Variants in RBL1 observed in about 807,000 individuals in gnomAD.
RBL1 encodes retinoblastoma-like protein 1.
Under a neutral mutation model 123.0 loss-of-function variants are expected in RBL1, and 82 were observed. The ratio of observed to expected loss-of-function variants is 0.67; its 90% CI spans 0.56 to 0.80. The LOEUF (loss-of-function observed/expected upper bound fraction) is 0.80, where lower values mean the gene tolerates loss of function less well. Ranked by LOEUF, RBL1 falls within the 30% of genes least tolerant of loss-of-function variation. The pLI is 0.00. For synonymous variants in RBL1, 405 were observed against 441.3 expected, an observed-to-expected ratio of 0.92 and a Z score of 1.03; for missense variants, 1,171 against 1,299.6, an observed-to-expected ratio of 0.90 and a Z score of 1.52.
In RBL1 at chr20:36,998,042, T is replaced by C. The variant is rs1240741539; in HGVS notation, c.*717A>G. 1 of 152,112 alleles carries C rather than the reference T, an allele frequency of 6.6e-6. No homozygotes were observed. Among genetic ancestry groups the C allele is most frequent in the African/African-American group, 2.4e-5 (1 of 41,414 alleles). The allele number at this position is 152,112 out of a possible 1,614,324, so 9.4% of individuals were successfully genotyped here. On this transcript the variant is annotated 3_prime_UTR_variant, in exon 22 of 22. Transcript: ENST00000373664. Reference sequence around the variant, plus strand: ...GTACTATGGGAACCAACCCCTTCCTTCAATATTAAATTAAGAATACAAATA... The same window carrying C: ...GTACTATGGGAACCAACCCCTTCCTCCAATATTAAATTAAGAATACAAATA...
chr20:37,066,720 G>A lies in RBL1; in HGVS notation c.846+4C>T. On this transcript the variant is annotated splice_donor_region_variant and intron_variant, in intron 6 of 21. Coordinates refer to ENST00000373664, the MANE Select transcript of RBL1 (RefSeq NM_002895.5). Reference sequence around the variant, plus strand: ...TCTCAGTCATCTAATTATAAGTACAGTACCTTCCTGTCAAAGAGTTTTGAA... The same window carrying A: ...TCTCAGTCATCTAATTATAAGTACAATACCTTCCTGTCAAAGAGTTTTGAA... The A allele has an allele frequency of 6.2e-7, 1 of 1,609,008 alleles. No homozygotes were observed. Among genetic ancestry groups the A allele is most frequent in the African/African-American group, 1.3e-5 (1 of 74,878 alleles).
chr20:37,002,412 C>G (rs372595655), intron 21 of RBL1, among the ~76,000 whole-genome samples: 14 of 129,202 alleles, frequency 1.1e-4, no homozygotes, highest in African/African-American at 3.7e-4. Flanking sequence ...GGCACGATCT[C>G]GGCTCACTGC....
In RBL1 at chr20:37,044,266, T is replaced by C. The variant is rs1279680486; in HGVS notation, c.1606-16A>G. 5.6e-6 allele frequency: 9 copies of C among 1,613,084 alleles called. No individual in the cohort carries two copies. Among genetic ancestry groups the C allele is most frequent in the East Asian group, 2.2e-5 (1 of 44,866 alleles). The stretch of plus-strand genomic sequence containing the variant: ...CCTCAATAACCTGCAGAGGAGAAAG[T>C]GAGAAGGCAATGTGGTTTCAAGCAG... On this transcript the variant is annotated splice_polypyrimidine_tract_variant and intron_variant, in intron 12 of 21. Transcript: ENST00000373664.
chr20:37,036,656 C>G (rs577322405), intron 14 of RBL1, among the ~76,000 whole-genome samples: 1 of 121,518 alleles, frequency 8.2e-6, no homozygotes, highest in African/African-American at 3.2e-5. Context: ...GATGGAGTCT[C>G]GCTCTGTTGC....
At chr20:37,084,772 C>CA (rs1405773739) in intron 2 of RBL1, among the ~76,000 whole-genome samples, 10 of 151,626 alleles carry the variant, frequency 6.6e-5, no homozygotes, top group African/African-American at 2.2e-4. Context: ...CATAGGAAGA[C>CA]CTTTTTTTTT....
chr20:37,065,222 C>T (rs967640255), intron 7 of RBL1, among the ~76,000 whole-genome samples: 1 of 152,130 alleles, frequency 6.6e-6, no homozygotes, highest in Non-Finnish European at 1.5e-5. Flanking sequence ...TGTGGGCCAC[C>T]GTGCCTGGCC....
intron 6 of RBL1, among the ~76,000 whole-genome samples, chr20:37,065,697 G>C (rs957286979): frequency 6.7e-6 from 1 of 149,626 alleles, no homozygotes; most frequent in Non-Finnish European, 1.5e-5. Flanking sequence ...CAGGGCTGCA[G>C]TGCAGTGGTA....
At chr20:37,003,625 GA>G (rs533001306) in intron 21 of RBL1, 76 bp downstream of exon 21, 68,422 of 1,007,904 alleles carry the variant, frequency 0.068, 19 homozygotes, top group East Asian at 0.092. Context: ...GGCCAAAAAA[GA>G]AAAAAAAAAA....
At chr20:37,056,045 AAAAG>A (rs2064998584) in intron 10 of RBL1, 97 bp downstream of exon 10, 3 of 1,479,686 alleles carry the variant, frequency 2.0e-6, no homozygotes, top group Admixed American at 5.3e-5. Context: ...TCAAAAAAAA[AAAAG>A]AAATAAGAAT....
chr20:37,074,003 T>G (rs2065323401), intron 2 of RBL1, among the ~76,000 whole-genome samples: 1 of 150,950 alleles, frequency 6.6e-6, no homozygotes, highest in Admixed American at 6.6e-5. Flanking sequence ...CCCAGCTACA[T>G]GGGAGGCTGA....
At chr20:37,012,418 G>C (rs2064168304) in intron 19 of RBL1, among the ~76,000 whole-genome samples, 2 of 151,616 alleles carry the variant, frequency 1.3e-5, no homozygotes, top group Non-Finnish European at 2.9e-5. Context: ...TAGGAAGTGA[G>C]GAGCGCCTCT....
chr20:37,004,338 T>TC (rs1199536264), intron 20 of RBL1, among the ~76,000 whole-genome samples: 2 of 150,688 alleles, frequency 1.3e-5, no homozygotes, highest in Admixed American at 1.3e-4. Context: ...CACCTTGGCC[T>TC]CCCAAAGTGC....
intron 2 of RBL1, among the ~76,000 whole-genome samples, chr20:37,071,002 T>C (rs1451341922): frequency 6.6e-6 from 1 of 152,034 alleles, no homozygotes; most frequent in Admixed American, 6.6e-5. Flanking sequence ...TTCAAGCAAT[T>C]TTCCTGCCTC....
intron 14 of RBL1, among the ~76,000 whole-genome samples, chr20:37,039,288 A>T (rs1206025805): frequency 6.6e-6 from 1 of 152,190 alleles, no homozygotes; most frequent in East Asian, 1.9e-4. Flanking sequence ...TTCTACAGAG[A>T]CATACACAGG....
At chr20:37,046,013 TG>T (rs1276679698) in intron 12 of RBL1, among the ~76,000 whole-genome samples, 2 of 152,232 alleles carry the variant, frequency 1.3e-5, no homozygotes, top group African/African-American at 4.8e-5. Context: ...TAAACGTTAT[TG>T]AGGGTGATGA....
At chr20:37,054,731 G>A (rs1352699071) in intron 11 of RBL1, among the ~76,000 whole-genome samples, 1 of 151,100 alleles carries the variant, frequency 6.6e-6, no homozygotes, top group Admixed American at 6.6e-5. Flanking sequence ...TCAAGAGGCT[G>A]AGGCATAAGA....
chr20:37,024,856 T>C (rs1013824212), intron 16 of RBL1, among the ~76,000 whole-genome samples: 5 of 152,144 alleles, frequency 3.3e-5, no homozygotes, highest in African/African-American at 1.2e-4. Flanking sequence ...AAACAGTCCT[T>C]AGGCATAGGA....
chr20:37,063,572 T>C (rs1310488975), intron 7 of RBL1, among the ~76,000 whole-genome samples: 1 of 152,092 alleles, frequency 6.6e-6, no homozygotes, highest in Non-Finnish European at 1.5e-5. Flanking sequence ...AGTGCAATGG[T>C]GTGATCTGGG....
At chr20:37,002,360 T>TTG (rs1306622568) in intron 21 of RBL1, among the ~76,000 whole-genome samples, 1 of 135,978 alleles carries the variant, frequency 7.4e-6, no homozygotes, top group South Asian at 2.4e-4. Flanking sequence ...TTTTTTTTTT[T>TTG]GAGACTAAGT....
Sources: gnomAD v4.1 joint callset for allele counts (sites outside exome capture counted in the v4.1 genomes callset) on GRCh38, gnomAD v4.1.1 for gene constraint, MANE v1.5 for transcripts, NCBI Gene and HGNC (gene_info 2026-07-23, HGNC 2026-07-21) for gene names.